Variants in FRS2 observed in about 807,000 individuals in gnomAD.
FRS2 encodes the protein FGFR signalling adaptor.
Under a neutral mutation model 43.9 loss-of-function variants are expected in FRS2, and 8 were observed. That is an observed-to-expected ratio of 0.18 (90% confidence interval 0.11 to 0.33). The LOEUF is 0.33. Among genes scored for constraint, FRS2 ranks in the 10% least tolerant of loss-of-function variants. The pLI is 1.00. For missense variants in FRS2, 534 were observed against 627.6 expected (o/e 0.85, Z 1.59); for synonymous variants, 219 against 220.3 (o/e 0.99, Z 0.05).
At chr12:69,504,039 A>G (rs1412567590) in intron 1 of FRS2, among the ~76,000 whole-genome samples, 2 of 152,174 alleles carry the variant, frequency 1.3e-5, no homozygotes, top group Non-Finnish European at 2.9e-5. Context: ...CCCCGTCTCT[A>G]CTAAAAACAC....
intron 1 of FRS2, among the ~76,000 whole-genome samples, chr12:69,482,162 A>C (rs1399301505): frequency 1.3e-5 from 2 of 152,078 alleles, no homozygotes; most frequent in African/African-American, 4.8e-5. Flanking sequence ...ACTTTGCATA[A>C]CTCTAGCTAA....
At position 69,575,224 on chromosome 12, in the gene FRS2, C is replaced by A. The variant is rs896308579; in HGVS notation, c.*269C>A. On this transcript the variant is annotated 3_prime_UTR_variant, in exon 9 of 9. Coordinates refer to ENST00000549921, the MANE Select transcript of FRS2 (RefSeq NM_001278356.2). ...AATGAGAGTTGAAGTAAATGACATG[C>A]TGGTTGATTTTTATCAATATTCTGG... 8 of 407,366 alleles carry A rather than the reference C, an allele frequency of 2.0e-5. No homozygotes were observed. The highest frequency in any genetic ancestry group is 3.5e-5 in the Non-Finnish European group (8 of 229,228). The allele number at this position is 407,366 out of a possible 1,614,324, so 25.2% of individuals were successfully genotyped here. A position where few individuals can be genotyped will look rare whatever the true frequency, so the allele number is the denominator to read the frequency against.
chr12:69,509,023 T>A (rs1461020338), intron 1 of FRS2, among the ~76,000 whole-genome samples: 1 of 152,216 alleles, frequency 6.6e-6, no homozygotes, highest in Admixed American at 6.5e-5. Flanking sequence ...CAGTTTAAAA[T>A]TTTTTTCTTG....
chr12:69,483,888 C>T (rs1210240655), intron 1 of FRS2, among the ~76,000 whole-genome samples: 1 of 152,034 alleles, frequency 6.6e-6, no homozygotes, highest in African/African-American at 2.4e-5. Flanking sequence ...AGTACTGTTT[C>T]ACTGTATTCT....
intron 1 of FRS2, among the ~76,000 whole-genome samples, chr12:69,496,698 A>G (rs1468655001): frequency 6.6e-6 from 1 of 152,224 alleles, no homozygotes; most frequent in African/African-American, 2.4e-5. Flanking sequence ...GAAACACTCT[A>G]TACTTTGTAG....
At chr12:69,527,680 G>C (rs887244534) in intron 1 of FRS2, among the ~76,000 whole-genome samples, 5 of 152,054 alleles carry the variant, frequency 3.3e-5, no homozygotes, top group African/African-American at 4.8e-5. Flanking sequence ...CTTTTTGATT[G>C]GGAAATTCTG....
At chr12:69,516,104 A>G (rs1169090934) in intron 1 of FRS2, among the ~76,000 whole-genome samples, 3 of 151,968 alleles carry the variant, frequency 2.0e-5, no homozygotes, top group Non-Finnish European at 4.4e-5. Flanking sequence ...AGATTTTTCT[A>G]TACTTCCCAA....
In FRS2 at chr12:69,572,226, G is replaced by T; in HGVS notation, c.521G>T (p.Arg174Leu). ...AGACATCCTTCTGTGGGAAGTGCTC[G>T]CCTGCCTTCAGTAGGGGAAGAATCT... ...SSRHPSVGSARLPSVGEESTH... is the reference protein window; with the variant it reads ...SSRHPSVGSALLPSVGEESTH... The change falls in exon 8 of 9, where the codon CGC (arginine) becomes CTC (leucine). Residue 174 changes from arginine to leucine, a missense_variant. Physicochemically the swap from Arg to Leu is moderately radical, Grantham distance 102. This residue lies in a region of FRS2 where 446 missense variants were observed against 494.2 expected (regional missense o/e 0.90). Coordinates refer to ENST00000549921, the MANE Select transcript of FRS2 (RefSeq NM_001278356.2). 1 of 1,612,516 alleles carries T rather than the reference G, an allele frequency of 6.2e-7. No individual in the cohort carries two copies. Among genetic ancestry groups the T allele is most frequent in the Non-Finnish European group, 8.5e-7 (1 of 1,179,306 alleles).
At chr12:69,547,331 T>C (rs1878495390) in intron 3 of FRS2, among the ~76,000 whole-genome samples, 1 of 152,114 alleles carries the variant, frequency 6.6e-6, no homozygotes, top group African/African-American at 2.4e-5. Flanking sequence ...CGTGGTGGGA[T>C]GTACCTGTGG....
At chr12:69,484,320 G>A (rs1182599985) in intron 1 of FRS2, among the ~76,000 whole-genome samples, 1 of 152,128 alleles carries the variant, frequency 6.6e-6, no homozygotes, top group African/African-American at 2.4e-5. Flanking sequence ...TCCTGACCTT[G>A]TGATCTGCCC....
chr12:69,548,084 C>G (rs1878572588), intron 3 of FRS2, among the ~76,000 whole-genome samples: 1 of 151,842 alleles, frequency 6.6e-6, no homozygotes, highest in African/African-American at 2.4e-5. Flanking sequence ...AACTCCTGGC[C>G]CCAAGTGATC....
chr12:69,509,927 T>A (rs146473720), intron 1 of FRS2, among the ~76,000 whole-genome samples: 1 of 152,318 alleles, frequency 6.6e-6, no homozygotes, highest in African/African-American at 2.4e-5. Context: ...TAGGTTTATT[T>A]TATTAAGAAT....
In FRS2 at chr12:69,534,925, ATTAT is replaced by A. The variant is rs1354182838; in HGVS notation, c.-122+2874_-122+2877del. Among the ~76,000 whole-genome samples, 3 of 152,258 alleles carry A rather than the reference ATTAT, an allele frequency of 2.0e-5. No individual in the cohort carries two copies. The South Asian group carries it at 6.2e-4, about 32-fold the overall frequency. ...GATACATATTTTTATTGTTTTTTAA[ATTAT>A]TTATCTTGGAATAAATGTCATCTTT... On this transcript the variant is annotated intron_variant, in intron 3 of 8. Transcript: ENST00000549921.
chr12:69,472,867 G>T (rs1305247503), intron 1 of FRS2, among the ~76,000 whole-genome samples: 1 of 152,314 alleles, frequency 6.6e-6, no homozygotes, highest in Non-Finnish European at 1.5e-5. Flanking sequence ...TTGGCGATGG[G>T]TGTTGAGTGC....
chr12:69,543,988 A>G lies in FRS2; in HGVS notation c.-122+11932A>G, dbSNP rs77904319. Among the ~76,000 whole-genome samples the G allele has an allele frequency of 6.3e-5, 9 of 142,816 alleles. No homozygotes were observed. The East Asian group carries it at 2.0e-3, about 31-fold the overall frequency. The allele number at this position is 142,816 out of a possible 152,430, so 93.7% of individuals were successfully genotyped here. A position where few individuals can be genotyped will look rare whatever the true frequency, so the allele number is the denominator to read the frequency against. ...CCATTGCAGGCCTTTGTCAGGATAAATTGTGAACCACTTTGAAGTGGACAA... is the reference window on the plus strand; with the variant it reads ...CCATTGCAGGCCTTTGTCAGGATAAGTTGTGAACCACTTTGAAGTGGACAA... On this transcript the variant is annotated intron_variant, in intron 3 of 8. Transcript: ENST00000549921.
chr12:69,572,336 A>G (rs1729285660), intron 8 of FRS2, 55 bp downstream of exon 8: 2 of 1,364,002 alleles, frequency 1.5e-6, no homozygotes, highest in Admixed American at 3.5e-5. Flanking sequence ...TTAGGGTATC[A>G]CTGTGCTAAT....
In FRS2 at chr12:69,572,193, C is replaced by T. The variant is rs776463041; in HGVS notation, c.488C>T (p.Pro163Leu). 25 of 1,612,494 alleles carry T rather than the reference C, an allele frequency of 1.6e-5. No individual in the cohort carries two copies. The East Asian group carries it at 2.7e-4, about 17-fold the overall frequency. ...TCATTTGGAGATGCTTCATCCCATC[C>T]GTCAAGCAGACATCCTTCTGTGGGA... ...YPSFGDASSH[P>L]SSRHPSVGSA... The change falls in exon 8 of 9, where the codon CCG becomes CTG. Residue 163 changes from proline (P) to leucine (L), a missense_variant. Coordinates refer to ENST00000549921, the MANE Select transcript of FRS2 (RefSeq NM_001278356.2).
At chr12:69,538,104 A>G (rs1449763151) in intron 3 of FRS2, 1 of 152,030 alleles carries the variant, frequency 6.6e-6, no homozygotes, top group Non-Finnish European at 1.5e-5. Flanking sequence ...CAGCATTATG[A>G]AATTACCTTA....
intron 1 of FRS2, among the ~76,000 whole-genome samples, chr12:69,472,891 C>A (rs1870439835): frequency 6.6e-6 from 1 of 152,064 alleles, no homozygotes; most frequent in African/African-American, 2.4e-5. Context: ...ATGAAAAGCG[C>A]TATACTAGGC....
Sources: gnomAD v4.1 joint callset for allele counts (sites outside exome capture counted in the v4.1 genomes callset) on GRCh38, gnomAD v4.1.1 for gene constraint, gnomAD v4.1.1 regional missense constraint, MANE v1.5 for transcripts, NCBI Gene and HGNC (gene_info 2026-07-23, HGNC 2026-07-21) for gene names.